SEMA3A: variants seen among roughly 807,000 people sequenced by gnomAD.
The protein encoded by SEMA3A is semaphorin-3A.
A neutral mutation model predicts 97.9 loss-of-function variants in SEMA3A; 29 were observed. That is an observed-to-expected ratio of 0.30 (90% confidence interval 0.22 to 0.40). The LOEUF (loss-of-function observed/expected upper bound fraction) is 0.40. SEMA3A is among the 10% of genes least tolerant of loss of function. The pLI, the probability that SEMA3A is intolerant of heterozygous loss-of-function variation, is 1.00. For synonymous variants in SEMA3A, 321 were observed against 323.7 expected (o/e 0.99, Z 0.09); for missense variants, 763 against 951.3 (o/e 0.80, Z 2.60).
chr7:84,462,583 C>T (rs535791691), intron 1 of SEMA3A, among the ~76,000 whole-genome samples: 46 of 152,246 alleles, frequency 3.0e-4, no homozygotes, highest in African/African-American at 8.9e-4. Context: ...TTCTTCCTCA[C>T]AGTCTGGCAC....
intron 3 of SEMA3A, among the ~76,000 whole-genome samples, chr7:84,299,288 CTATCTCCATATATA>C (rs1193065410): frequency 3.1e-5 from 4 of 127,400 alleles, no homozygotes; most frequent in Admixed American, 7.9e-5. Context: ...ATATATATAT[CTATCTCCATATATA>C]TATCTCCATA....
At chr7:83,976,834 C>T (rs757302182) in intron 15 of SEMA3A, among the ~76,000 whole-genome samples, 1 of 151,986 alleles carries the variant, frequency 6.6e-6, no homozygotes, top group Non-Finnish European at 1.5e-5. Context: ...CTACTATATA[C>T]AAAATGAAGT....
chr7:84,042,116 A>G (rs1792155586), intron 6 of SEMA3A, among the ~76,000 whole-genome samples: 1 of 152,094 alleles, frequency 6.6e-6, no homozygotes, highest in African/African-American at 2.4e-5. Context: ...CTAAAAGCGC[A>G]TGTTGTGGAG....
At chr7:84,186,450 A>G (rs1797889791) in intron 1 of SEMA3A, among the ~76,000 whole-genome samples, 2 of 152,196 alleles carry the variant, frequency 1.3e-5, no homozygotes, top group African/African-American at 4.8e-5. Context: ...TTAAGGGATA[A>G]TAACAACGGA....
At chr7:84,259,417 T>C (rs1006377424) in intron 3 of SEMA3A, among the ~76,000 whole-genome samples, 13 of 152,116 alleles carry the variant, frequency 8.5e-5, no homozygotes, top group Non-Finnish European at 1.6e-4. Flanking sequence ...CCTAAAGCTA[T>C]GCAAGATTAA....
Position 83,961,476 on chromosome 7 carries a change from T to C in SEMA3A, c.2211A>G (p.Pro737=). Residue 737 remains proline (P), a synonymous_variant, in exon 17 of 17, where the codon CCA becomes CCG. Coordinates refer to ENST00000265362, the MANE Select transcript of SEMA3A (RefSeq NM_006080.3). ...TGTTACTGTTCCCTGGGGTATGTCCTGGCCTTTGCCGACGTTGTTTTCGGT... is the reference window on the plus strand; with the variant it reads ...TGTTACTGTTCCCTGGGGTATGTCCCGGCCTTTGCCGACGTTGTTTTCGGT... ...KRDRKQRRQR[P]GHTPGNSNKW... 1 of 1,614,144 alleles carries C rather than the reference T, an allele frequency of 6.2e-7. No homozygotes were observed. The highest frequency in any genetic ancestry group is 2.2e-5 in the East Asian group (1 of 44,876).
At chr7:84,304,201 A>C (rs899545309) in intron 3 of SEMA3A, among the ~76,000 whole-genome samples, 1 of 152,140 alleles carries the variant, frequency 6.6e-6, no homozygotes, top group Admixed American at 6.6e-5. Context: ...AAATGCTTTA[A>C]TTTACAAAAT....
intron 4 of SEMA3A, among the ~76,000 whole-genome samples, chr7:84,095,905 GATTC>G (rs35132783): frequency 0.41 from 62,327 of 151,376 alleles, 14,632 homozygotes; most frequent in Admixed American, 0.52. Context: ...TGAGGCAGTT[GATTC>G]ATTTTCAATA....
At chr7:84,170,272 A>G (rs920899773) in intron 1 of SEMA3A, among the ~76,000 whole-genome samples, 7 of 151,972 alleles carry the variant, frequency 4.6e-5, no homozygotes, top group Non-Finnish European at 7.4e-5. Context: ...TAAAAGCCTT[A>G]ACATTTCATT....
chr7:84,115,954 T>C (rs1333141775), intron 3 of SEMA3A, among the ~76,000 whole-genome samples: 1 of 152,200 alleles, frequency 6.6e-6, no homozygotes, highest in Non-Finnish European at 1.5e-5. Flanking sequence ...ATTTGGCATA[T>C]TTAATTCTAA....
intron 14 of SEMA3A, 132 bp from the exon 15 acceptor site, chr7:83,977,328 A>C: frequency 2.5e-6 from 1 of 407,040 alleles, no homozygotes; most frequent in Non-Finnish European, 4.3e-6. Flanking sequence ...GAACAGATGA[A>C]TCTACATCCA....
chr7:84,457,104 T>C (rs980187130), intron 1 of SEMA3A, among the ~76,000 whole-genome samples: 2 of 151,614 alleles, frequency 1.3e-5, no homozygotes, highest in Non-Finnish European at 3.0e-5. Context: ...AATTTCCCAA[T>C]GACATAACTG....
At chr7:83,974,120 G>C (rs572242671) in intron 15 of SEMA3A, among the ~76,000 whole-genome samples, 1 of 152,120 alleles carries the variant, frequency 6.6e-6, no homozygotes, top group Non-Finnish European at 1.5e-5. Context: ...TGTATGAGGT[G>C]TGAGTGGGAA....
At chr7:84,392,360 T>G (rs1803602231) in intron 1 of SEMA3A, among the ~76,000 whole-genome samples, 1 of 152,194 alleles carries the variant, frequency 6.6e-6, no homozygotes, top group Admixed American at 6.5e-5. Flanking sequence ...TAGTATAATG[T>G]TCTGCAATTC....
At chr7:84,027,604 C>T (rs1307841407) in intron 6 of SEMA3A, among the ~76,000 whole-genome samples, 2 of 152,060 alleles carry the variant, frequency 1.3e-5, no homozygotes, top group African/African-American at 4.8e-5. Context: ...CAATATATTA[C>T]CCTTTAGGAT....
intron 3 of SEMA3A, among the ~76,000 whole-genome samples, chr7:84,270,244 A>T (rs1800109300): frequency 6.6e-6 from 1 of 152,070 alleles, no homozygotes; most frequent in Non-Finnish European, 1.5e-5. Context: ...TGTGCTTGGA[A>T]TAAAGGAAAA....
chr7:84,102,150 G>T (rs532891188), intron 4 of SEMA3A, among the ~76,000 whole-genome samples: 1 of 152,214 alleles, frequency 6.6e-6, no homozygotes, highest in South Asian at 2.1e-4. Context: ...TTTTAAACAA[G>T]GGTGCTAGTC....
At chr7:84,129,390 C>T (rs979567536) in intron 2 of SEMA3A, among the ~76,000 whole-genome samples, 3 of 152,090 alleles carry the variant, frequency 2.0e-5, no homozygotes, top group African/African-American at 7.2e-5. Flanking sequence ...TACCCAATAG[C>T]CTTTGCTATA....
chr7:84,277,570 T>C (rs1377995326), intron 3 of SEMA3A, among the ~76,000 whole-genome samples: 2 of 152,108 alleles, frequency 1.3e-5, no homozygotes, highest in Non-Finnish European at 2.9e-5. Flanking sequence ...AAGAATGATG[T>C]TGTGTTAGTC....
Sources: allele counts gnomAD v4.1 joint callset (sites outside exome capture counted in the v4.1 genomes callset), GRCh38; gene constraint gnomAD v4.1.1; transcripts MANE v1.5; gene names NCBI Gene and HGNC (gene_info 2026-07-23, HGNC 2026-07-21).